The following MFNG variants were observed in gnomAD, a reference collection of about 807,000 sequenced individuals.
MFNG encodes beta-1,3-N-acetylglucosaminyltransferase manic fringe.
Under a neutral mutation model 34.2 loss-of-function variants are expected in MFNG, and 24 were observed. The ratio of observed to expected loss-of-function variants is 0.70; its 90% CI spans 0.51 to 0.99. The LOEUF is 0.99. Among genes scored for constraint, MFNG ranks in the 50% least tolerant of loss-of-function variants. The pLI is 0.00. For synonymous variants in MFNG, 158 were observed against 179.2 expected (o/e 0.88, Z 0.94); for missense variants, 383 against 424.0 (o/e 0.90, Z 0.85).
intron 1 of MFNG, chr22:37,484,771 A>T (rs1302281030): frequency 6.6e-6 from 1 of 152,376 alleles, no homozygotes; most frequent in Non-Finnish European, 1.5e-5. Context: ...CCCAGAGAAG[A>T]GCTGAGGTGC....
At position 37,482,925 on chromosome 22, in the gene MFNG, C is replaced by T. The variant is rs1922368879; in HGVS notation, c.256-2156G>A. Among the ~76,000 whole-genome samples the T allele has an allele frequency of 6.6e-6, 1 of 152,178 alleles. No individual in the cohort carries two copies. The highest frequency in any genetic ancestry group is 2.1e-4 in the South Asian group (1 of 4,828). On this transcript the variant is annotated intron_variant, in intron 1 of 7. Transcript: ENST00000356998. The surrounding 1 kb of genome is among the most constrained non-coding windows in gnomAD (Gnocchi z 4.1). ...CCCTGGTCCGCTTCTCCATGAAGCCCACTCCGTCAGTGACGCCATGCAGCC... is the reference window on the plus strand; with the variant it reads ...CCCTGGTCCGCTTCTCCATGAAGCCTACTCCGTCAGTGACGCCATGCAGCC...
At chr22:37,477,146 G>T (rs1013736535) in intron 4 of MFNG, among the ~76,000 whole-genome samples, 165 bp from the exon 5 acceptor site, 2 of 152,224 alleles carry the variant, frequency 1.3e-5, no homozygotes, top group African/African-American at 4.8e-5. Flanking sequence ...CCATTCTATA[G>T]ATAAGAAAAC....
In MFNG at chr22:37,480,141, G is replaced by GGTT. The variant is rs1420917197; in HGVS notation, c.407+53_407+55dup. 1.4e-5 allele frequency: 20 copies of GGTT among 1,414,498 alleles called. No individual in the cohort carries two copies. In the Admixed American group the frequency reaches 2.7e-4, roughly 19 times the overall value. 87.6% of individuals were successfully genotyped at this position (1,414,498 alleles called of 1,614,324 possible). ...GAAGTCAGACCCCAGGAGTCCCAGG[G>GGTT]GTTATTTTCACTGGGCCCAGACCAC... On this transcript the variant is annotated intron_variant, in intron 3 of 7. Coordinates refer to ENST00000356998, the MANE Select transcript of MFNG (RefSeq NM_002405.4).
intron 5 of MFNG, among the ~76,000 whole-genome samples, chr22:37,475,191 T>TTTCCAAAAAATCA (rs1921984938): frequency 6.6e-6 from 1 of 151,932 alleles, no homozygotes; most frequent in East Asian, 1.9e-4. Context: ...CCAGAGGAGG[T>TTTCCAAAAAATCA]GGCAGCTTTT....
rs766474836 is a variant in MFNG at position 37,476,993 on chromosome 22, G to A, written c.562-12C>T. 4 of 1,612,986 alleles carry A rather than the reference G, an allele frequency of 2.5e-6. No homozygotes were observed. Among genetic ancestry groups the A allele is most frequent in the East Asian group, 2.2e-5 (1 of 44,890 alleles). ...AACTGTACCAGCCTCTGAGAGAGAG[G>A]AAGGCCAAGGGGCAGAGTGAGCCTG... is the stretch of plus-strand genomic sequence containing the variant. On this transcript the variant is annotated splice_polypyrimidine_tract_variant and intron_variant, in intron 4 of 7. Coordinates refer to ENST00000356998, the MANE Select transcript of MFNG (RefSeq NM_002405.4).
chr22:37,472,518 C>T lies in MFNG; in HGVS notation c.824G>A (p.Ser275Asn), dbSNP rs1465058673. 1.9e-6 allele frequency: 3 copies of T among 1,580,900 alleles called. No individual in the cohort carries two copies. The highest frequency in any genetic ancestry group is 1.7e-6 in the Non-Finnish European group (2 of 1,166,398). The change falls in exon 7 of 8, where the codon AGC becomes AAC. Residue 275 changes from serine to asparagine, a missense_variant. Physicochemically the swap from Ser to Asn is conservative, Grantham distance 46. Coordinates refer to ENST00000356998, the MANE Select transcript of MFNG (RefSeq NM_002405.4). The part of the protein sequence containing the change: ...TAQLPEQVTL[S>N]YGVFEGKLNV... ...GAGTTTCCCCTCAAAGACACCGTAGCTGAGGGTGACCTGGGCAGGGAGATA... is the reference window on the plus strand; with the variant it reads ...GAGTTTCCCCTCAAAGACACCGTAGTTGAGGGTGACCTGGGCAGGGAGATA...
chr22:37,479,576 C>A, intron 3 of MFNG, 78 bp from the exon 4 acceptor site: 2 of 1,569,090 alleles, frequency 1.3e-6, no homozygotes, highest in South Asian at 1.2e-5. Context: ...CACAGTCGGT[C>A]AACAGTGACG....
rs773437188 is a variant in MFNG at position 37,484,104 on chromosome 22, CCT to C, written c.255+1817_255+1818del. On this transcript the variant is annotated intron_variant, in intron 1 of 7. Transcript: ENST00000356998. Reference sequence around the variant, plus strand: ...GAGGGGAGTGGTGGGGCTGCTGCCACCTCTCCCCCCAACAAGGGGACCATAGG... The same window carrying C: ...GAGGGGAGTGGTGGGGCTGCTGCCACCTCCCCCCAACAAGGGGACCATAGG... The C allele has an allele frequency of 8.7e-4, 133 of 152,366 alleles. 2 individuals are homozygous for C. Among genetic ancestry groups the C allele is most frequent in the Middle Eastern group, 3.4e-3 (1 of 294 alleles). The allele number at this position is 152,366 out of a possible 1,614,324, so 9.4% of individuals were successfully genotyped here.
At chr22:37,476,377 G>A (rs1400559322) in intron 5 of MFNG, among the ~76,000 whole-genome samples, 1 of 151,842 alleles carries the variant, frequency 6.6e-6, no homozygotes, top group East Asian at 1.9e-4. Flanking sequence ...GTGCTATTAG[G>A]AGTAATATCA....
chr22:37,476,864 G>T, intron 5 of MFNG, 32 bp downstream of exon 5: 1 of 692,282 alleles, frequency 1.4e-6, no homozygotes, highest in Non-Finnish European at 2.5e-6. Context: ...CCCCCTCCCC[G>T]CCTTCCTGCC....
At chr22:37,476,256 C>T (rs1462387501) in intron 5 of MFNG, among the ~76,000 whole-genome samples, 1 of 152,020 alleles carries the variant, frequency 6.6e-6, no homozygotes, top group Non-Finnish European at 1.5e-5. Context: ...TGTGTCCCAC[C>T]CCCACCCACA....
At position 37,486,097 on chromosome 22, in the gene MFNG, G is replaced by A; in HGVS notation, c.81C>T (p.His27=). ...GTACCCGCTGCGGGGACAGGTTCAA[G>A]TGGTACCGCAGACACAGGAGCCCCA... ...LCMGLLCLRY[H]LNLSPQRVQG... Residue 27 remains histidine, a synonymous_variant, in exon 1 of 8, where the codon CAC becomes CAT. Transcript: ENST00000356998. 1 of 1,613,184 alleles carries A rather than the reference G, an allele frequency of 6.2e-7. No individual in the cohort carries two copies. Among genetic ancestry groups the A allele is most frequent in the Middle Eastern group, 1.7e-4 (1 of 6,056 alleles).
intron 5 of MFNG, 108 bp downstream of exon 5, chr22:37,476,788 G>T: frequency 1.1e-6 from 1 of 905,872 alleles, no homozygotes; most frequent in Non-Finnish European, 1.7e-6. Context: ...ATGAGGAGCA[G>T]CTTCTCCTGA....
At chr22:37,479,611 C>T (rs775456504) in intron 3 of MFNG, 113 bp from the exon 4 acceptor site, 14 of 1,358,688 alleles carry the variant, frequency 1.0e-5, no homozygotes, top group Admixed American at 4.6e-5. Flanking sequence ...GTGGGAGAGG[C>T]TGACATTTAA....
intron 1 of MFNG, 43 bp from the exon 2 acceptor site, chr22:37,480,812 G>A: frequency 6.3e-7 from 1 of 1,584,098 alleles, no homozygotes; most frequent in East Asian, 2.2e-5. Flanking sequence ...TCGGCCCAAG[G>A]GACACCCCAG....
In MFNG at chr22:37,482,877, A is replaced by C. The variant is rs1386039697; in HGVS notation, c.256-2108T>G. 6.6e-6 allele frequency among the ~76,000 whole-genome samples: 1 copy of C among 152,122 alleles called. No homozygotes were observed. The highest frequency in any genetic ancestry group is 1.9e-4 in the East Asian group (1 of 5,182). On this transcript the variant is annotated intron_variant, in intron 1 of 7. Coordinates refer to ENST00000356998, the MANE Select transcript of MFNG (RefSeq NM_002405.4). The surrounding 1 kb of genome is among the most constrained non-coding windows in gnomAD (Gnocchi z 4.1). ...AGGTCTCTGGATTTCCGCAGGGGGA[A>C]ATGGTGGTGGTCCAAGCCTAGACCC...
chr22:37,472,645 C>A, intron 6 of MFNG, 117 bp from the exon 7 acceptor site: 1 of 983,354 alleles, frequency 1.0e-6, no homozygotes, highest in East Asian at 2.9e-5. Flanking sequence ...GCCCGGGAAC[C>A]TGAAATTCCC....
At chr22:37,473,725 G>A (rs1022757604) in intron 6 of MFNG, among the ~76,000 whole-genome samples, 2 of 152,222 alleles carry the variant, frequency 1.3e-5, no homozygotes, top group South Asian at 2.1e-4. Context: ...ATAGTGGGGG[G>A]AAAGCTGGGG....
Position 37,486,358 on chromosome 22 carries a change from TCGACCG to T in MFNG, c.-187_-182del. The T allele has an allele frequency of 1.8e-6, 1 of 564,256 alleles. No homozygotes were observed. Among genetic ancestry groups the T allele is most frequent in the Non-Finnish European group, 2.7e-6 (1 of 367,728 alleles). 35.0% of individuals were successfully genotyped at this position (564,256 alleles called of 1,614,324 possible). ...GAGGCTGAGCCATGGCAGCACGATC[TCGACCG>T]CCGCCAGTCCTCCACCTGCTCCCGC... On this transcript the variant is annotated 5_prime_UTR_variant, in exon 1 of 8. Coordinates refer to ENST00000356998, the MANE Select transcript of MFNG (RefSeq NM_002405.4).
Sources: gnomAD v4.1 joint callset for allele counts (sites outside exome capture counted in the v4.1 genomes callset) on GRCh38, gnomAD v4.1.1 for gene constraint, Gnocchi (gnomAD v3.1) non-coding constraint, MANE v1.5 for transcripts, NCBI Gene and HGNC (gene_info 2026-07-23, HGNC 2026-07-21) for gene names.